The following TSPAN7 variants were observed in gnomAD, a reference collection of about 807,000 sequenced individuals.
The protein encoded by TSPAN7 is tetraspanin 7.
In TSPAN7, 1 loss-of-function variant was observed where a neutral mutation model predicts 17.6. The ratio of observed to expected loss-of-function variants is 0.06; its 90% CI spans 0.02 to 0.27. The LOEUF is 0.27. Ranked by LOEUF, TSPAN7 falls within the 10% of genes least tolerant of loss-of-function variation. The probability of loss-of-function intolerance (pLI) is 1.00; values close to 1 mark genes in which losing one functional copy is unlikely to be tolerated. For synonymous variants in TSPAN7, 78 were observed against 79.0 expected, an observed-to-expected ratio of 0.99 and a Z score of 0.07; for missense variants, 112 against 201.7, an observed-to-expected ratio of 0.56 and a Z score of 2.69.
intron 1 of TSPAN7, among the ~76,000 whole-genome samples, chrX:38,621,847 C>T (rs765029254): frequency 1.8e-5 from 2 of 112,351 alleles, no homozygotes; most frequent in Non-Finnish European, 3.8e-5. Context: ...TTATGGTGAC[C>T]TGTCCCACTT....
chrX:38,603,336 G>A (rs1028060384), intron 1 of TSPAN7, among the ~76,000 whole-genome samples: 1 of 111,857 alleles, frequency 8.9e-6, no homozygotes, highest in Non-Finnish European at 1.9e-5. Flanking sequence ...GACACTTTGG[G>A]AAACAGTCTG....
intron 4 of TSPAN7, 84 bp from the exon 5 acceptor site, chrX:38,675,621 C>G: frequency 8.9e-7 from 1 of 1,128,305 alleles, no homozygotes; most frequent in Non-Finnish European, 1.2e-6. Flanking sequence ...GCCTGTGTTT[C>G]TCTTATAAAA....
intron 1 of TSPAN7, among the ~76,000 whole-genome samples, chrX:38,630,619 A>C (rs1444505352): frequency 8.9e-6 from 1 of 112,187 alleles, no homozygotes; most frequent in Admixed American, 9.5e-5. Context: ...CATCTCTACT[A>C]TTCTGATGTA....
At chrX:38,640,266 T>C (rs2069605130) in intron 1 of TSPAN7, among the ~76,000 whole-genome samples, 1 of 111,933 alleles carries the variant, frequency 8.9e-6, no homozygotes, top group Non-Finnish European at 1.9e-5. Flanking sequence ...TTCTCTGTGC[T>C]GGACTCCACA....
At chrX:38,564,231 A>T (rs1055745643) in intron 1 of TSPAN7, among the ~76,000 whole-genome samples, 2 of 111,196 alleles carry the variant, frequency 1.8e-5, no homozygotes, top group Admixed American at 9.6e-5. Context: ...TATAAATGTA[A>T]TCATACAATA....
In TSPAN7 at chrX:38,688,015, T is replaced by C. The variant is rs2069935602; in HGVS notation, c.*84T>C. The C allele has an allele frequency of 5.7e-6, 1 of 175,247 alleles. No individual in the cohort carries two copies. The highest frequency in any genetic ancestry group is 3.0e-5 in the African/African-American group (1 of 33,229). 14.4% of individuals were successfully genotyped at this position (175,247 alleles called of 1,213,427 possible). A position where few individuals can be genotyped will look rare whatever the true frequency, so the allele number is the denominator to read the frequency against. On this transcript the variant is annotated 3_prime_UTR_variant, in exon 8 of 8. Transcript: ENST00000378482. ...ATCTTTGAAAGACTTCCAAAGAATG[T>C]TAGAGCACAGTACATAATACACTTG... is the stretch of plus-strand genomic sequence containing the variant.
At chrX:38,656,060 C>T (rs1377385267) in intron 1 of TSPAN7, 1 of 325,209 alleles carries the variant, frequency 3.1e-6, no homozygotes, top group South Asian at 2.7e-5. Context: ...TGAAGAAGAG[C>T]TCGTCACTAA....
chrX:38,618,839 TGGTGGTA>T (rs2069471901), intron 1 of TSPAN7, among the ~76,000 whole-genome samples: 1 of 110,446 alleles, frequency 9.1e-6, no homozygotes. Flanking sequence ...TCTCTGCGGG[TGGTGGTA>T]GGTGGTAGGT....
intron 5 of TSPAN7, among the ~76,000 whole-genome samples, chrX:38,680,630 C>T (rs1217343267): frequency 9.6e-6 from 1 of 104,319 alleles, no homozygotes; most frequent in Non-Finnish European, 2.0e-5. Flanking sequence ...TTAAAAAATC[C>T]TAATGGTCTC....
At chrX:38,685,457 T>A (rs186501698) in intron 6 of TSPAN7, among the ~76,000 whole-genome samples, 4,000 of 111,018 alleles carry the variant, frequency 0.036, 186 homozygotes, top group African/African-American at 0.12. Flanking sequence ...CCATCTCTAC[T>A]AAAAATACAA....
In TSPAN7 at chrX:38,654,949, A is replaced by G. The variant is rs766777737; in HGVS notation, c.82-11172A>G. ...AATGAGAGATCTTGGAATTCCAGGC[A>G]GAAGGAAGAGCAAGTGTGAAATCTC... On this transcript the variant is annotated intron_variant, in intron 1 of 7. Transcript: ENST00000378482. Among the ~76,000 whole-genome samples the G allele has an allele frequency of 6.2e-5, 7 of 112,156 alleles. No individual in the cohort carries two copies. In the East Asian group the frequency reaches 1.4e-3, roughly 23 times the overall value.
chrX:38,651,807 A>T (rs1014661509), intron 1 of TSPAN7, among the ~76,000 whole-genome samples: 5 of 112,058 alleles, frequency 4.5e-5, no homozygotes, highest in African/African-American at 1.6e-4. Context: ...ACCTTATTAG[A>T]TACTTCCTCT....
chrX:38,618,040 G>A (rs180743238), intron 1 of TSPAN7, among the ~76,000 whole-genome samples: 13 of 111,985 alleles, frequency 1.2e-4, no homozygotes, highest in Non-Finnish European at 2.1e-4. Context: ...CTTGGAAGTC[G>A]TTGGTGCAGT....
chrX:38,624,786 T>A (rs2069511958), intron 1 of TSPAN7, among the ~76,000 whole-genome samples: 1 of 113,043 alleles, frequency 8.8e-6, no homozygotes, highest in Admixed American at 9.3e-5. Flanking sequence ...TACGTTGGTA[T>A]CACCTGGGTT....
rs745848385 is a variant in TSPAN7 at position 38,604,940 on chromosome X, C to T, written c.81+43313C>T. Among the ~76,000 whole-genome samples, 351 of 111,177 alleles carry T rather than the reference C, an allele frequency of 3.2e-3. 3 individuals are homozygous for T. The highest frequency in any genetic ancestry group is 7.4e-3 in the African/African-American group (226 of 30,524). On this transcript the variant is annotated intron_variant, in intron 1 of 7. Coordinates refer to ENST00000378482, the MANE Select transcript of TSPAN7 (RefSeq NM_004615.4). ...TAATAAGAGCTATCTATGACAAACC[C>T]GCAGCCAATATCATACTGAATGGGC...
chrX:38,563,462 G>A (rs979269720), intron 1 of TSPAN7, among the ~76,000 whole-genome samples: 3 of 105,075 alleles, frequency 2.9e-5, no homozygotes, highest in Non-Finnish European at 5.7e-5. Flanking sequence ...TGTTACTGGA[G>A]TGAATCATAT....
At chrX:38,598,172 C>T (rs1202610123) in intron 1 of TSPAN7, among the ~76,000 whole-genome samples, 3 of 111,391 alleles carry the variant, frequency 2.7e-5, no homozygotes, top group Non-Finnish European at 5.7e-5. Context: ...GTCCACATCA[C>T]GTATTGCTTG....
chrX:38,584,508 T>A (rs1332913070), intron 1 of TSPAN7, among the ~76,000 whole-genome samples: 1 of 111,770 alleles, frequency 8.9e-6, no homozygotes, highest in Non-Finnish European at 1.9e-5. Flanking sequence ...CTCATTTCTC[T>A]TATCCAAATT....
chrX:38,577,782 G>A (rs1242635265), intron 1 of TSPAN7, among the ~76,000 whole-genome samples: 2 of 108,123 alleles, frequency 1.8e-5, no homozygotes. Flanking sequence ...CCTGCACGTT[G>A]TGCACATGTA....
Sources: gnomAD v4.1 joint callset for allele counts (sites outside exome capture counted in the v4.1 genomes callset) on GRCh38, gnomAD v4.1.1 for gene constraint, MANE v1.5 for transcripts, NCBI Gene and HGNC (gene_info 2026-07-23, HGNC 2026-07-21) for gene names.